RGS6: variants seen among roughly 807,000 people sequenced by gnomAD.
The protein encoded by RGS6 is regulator of G protein signaling 6.
In RGS6, 30 loss-of-function variants were observed where a neutral mutation model predicts 78.5. The observed-to-expected ratio is 0.38, with a 90% CI of 0.29 to 0.52. The LOEUF (loss-of-function observed/expected upper bound fraction) is 0.52, where lower values mean the gene tolerates loss of function less well. Among genes scored for constraint, RGS6 ranks in the 20% least tolerant of loss-of-function variants. The pLI is 0.85. For synonymous variants in RGS6, 206 were observed against 206.0 expected (o/e 1.00, Z 0.00); for missense variants, 495 against 609.7 (o/e 0.81, Z 1.98).
chr14:71,991,409 A>G (rs2094948696), intron 2 of RGS6, among the ~76,000 whole-genome samples: 3 of 152,208 alleles, frequency 2.0e-5, no homozygotes, highest in East Asian at 1.9e-4. Flanking sequence ...AGACAAACCA[A>G]TATTTCTCTC....
intron 3 of RGS6, among the ~76,000 whole-genome samples, chr14:72,435,812 CT>C (rs1235399873): frequency 6.9e-6 from 1 of 145,508 alleles, no homozygotes; most frequent in Non-Finnish European, 1.5e-5. Flanking sequence ...TTCTACCTCT[CT>C]TTCATAAGAA....
intron 2 of RGS6, among the ~76,000 whole-genome samples, chr14:72,157,269 G>C (rs991442236): frequency 2.0e-5 from 3 of 152,288 alleles, no homozygotes; most frequent in Non-Finnish European, 2.9e-5. Flanking sequence ...GGACTCCTAG[G>C]AACAAGAAGC....
intron 2 of RGS6, among the ~76,000 whole-genome samples, chr14:72,011,763 G>T (rs1196657764): frequency 6.6e-6 from 1 of 152,122 alleles, no homozygotes; most frequent in Non-Finnish European, 1.5e-5. Flanking sequence ...AGCATCTGCA[G>T]ATTTTGGTAT....
chr14:71,880,805 C>G, the RGS6 span, among the ~76,000 whole-genome samples: 49 of 152,242 alleles, frequency 3.2e-4, no homozygotes, highest in Non-Finnish European at 6.0e-4. Flanking sequence ...AGCCCCCACA[C>G]AGAGTCCCCA....
chr14:72,094,913 G>C (rs771766097), intron 2 of RGS6, among the ~76,000 whole-genome samples: 5 of 152,044 alleles, frequency 3.3e-5, no homozygotes, highest in African/African-American at 7.2e-5. Context: ...AAGCAAGGGG[G>C]GAGAAACACC....
intron 3 of RGS6, among the ~76,000 whole-genome samples, chr14:72,359,447 G>C (rs1238820050): frequency 1.3e-5 from 2 of 152,162 alleles, no homozygotes; most frequent in South Asian, 4.1e-4. Flanking sequence ...TCAAGTTTTA[G>C]CGACCTATTA....
intron 2 of RGS6, among the ~76,000 whole-genome samples, chr14:72,099,200 C>T (rs1378050185): frequency 2.0e-5 from 3 of 152,282 alleles, no homozygotes; most frequent in East Asian, 1.9e-4. Flanking sequence ...CTCTCTGTCA[C>T]CCAGGCTGGA....
At chr14:72,328,304 C>G (rs2074246501) in intron 2 of RGS6, among the ~76,000 whole-genome samples, 5 of 152,134 alleles carry the variant, frequency 3.3e-5, no homozygotes, top group Admixed American at 3.3e-4. Flanking sequence ...ACCCCATAAC[C>G]CAGTCAAGTT....
chr14:72,070,156 C>T (rs971274124), intron 2 of RGS6, among the ~76,000 whole-genome samples: 14 of 152,064 alleles, frequency 9.2e-5, no homozygotes, highest in Admixed American at 8.5e-4. Flanking sequence ...CTCTGTCTCT[C>T]TCTGTGTGTG....
In RGS6 at chr14:71,959,060, C is replaced by T. The variant is rs187033150; in HGVS notation, c.-20-5712C>T. Among the ~76,000 whole-genome samples, 564 of 152,220 alleles carry T rather than the reference C, an allele frequency of 3.7e-3. 1 individual carries two copies. The highest frequency in any genetic ancestry group is 0.013 in the African/African-American group (532 of 41,534). On this transcript the variant is annotated intron_variant, in intron 1 of 17. Transcript: ENST00000553525. ...GCCTTTAGGGGTTGAGTGCTATTGC[C>T]GTACTTTAAGATCTTGGTGCATTAC...
chr14:72,294,728 ACACACTGTTAAAGAAC>A (rs1338757918), intron 2 of RGS6, among the ~76,000 whole-genome samples: 6 of 152,074 alleles, frequency 3.9e-5, no homozygotes, highest in African/African-American at 1.4e-4. Flanking sequence ...GGGAGCTATC[ACACACTGTTAAAGAAC>A]CAGATCTCGT....
intron 3 of RGS6, among the ~76,000 whole-genome samples, chr14:72,422,662 A>G (rs112161663): frequency 6.6e-6 from 1 of 152,116 alleles, no homozygotes; most frequent in Non-Finnish European, 1.5e-5. Flanking sequence ...CACAGCTTGT[A>G]TGTGTCCCCA....
chr14:72,303,391 C>T (rs2066535938), intron 2 of RGS6, among the ~76,000 whole-genome samples: 1 of 152,164 alleles, frequency 6.6e-6, no homozygotes, highest in South Asian at 2.1e-4. Context: ...ATCCCAGCTA[C>T]TCAGGAGGCT....
At chr14:72,179,436 T>C (rs2097146307) in intron 2 of RGS6, among the ~76,000 whole-genome samples, 1 of 152,184 alleles carries the variant, frequency 6.6e-6, no homozygotes, top group African/African-American at 2.4e-5. Flanking sequence ...CCAGTGTTTA[T>C]TAAACTAACA....
intron 15 of RGS6, among the ~76,000 whole-genome samples, chr14:72,530,862 T>C (rs2097173513): frequency 6.6e-6 from 1 of 152,216 alleles, no homozygotes; most frequent in Non-Finnish European, 1.5e-5. Context: ...AGGAACTTGA[T>C]GCAGTCATAA....
At chr14:72,011,355 G>A (rs1193708069) in intron 2 of RGS6, among the ~76,000 whole-genome samples, 1 of 152,082 alleles carries the variant, frequency 6.6e-6, no homozygotes. Context: ...TGAAATTGTG[G>A]CCTCATGATG....
At chr14:71,885,500 G>C in the RGS6 span, among the ~76,000 whole-genome samples, 1 of 152,314 alleles carries the variant, frequency 6.6e-6, no homozygotes, top group African/African-American at 2.4e-5. Flanking sequence ...AGCTTGCTTT[G>C]TTTGTGGAGC....
At chr14:72,506,604 G>A (rs1366951922) in intron 13 of RGS6, among the ~76,000 whole-genome samples, 1 of 152,188 alleles carries the variant, frequency 6.6e-6, no homozygotes, top group Non-Finnish European at 1.5e-5. Context: ...ACTCCCAGTA[G>A]TGAAATCGTA....
chr14:72,403,492 A>G (rs565454336), intron 3 of RGS6, among the ~76,000 whole-genome samples: 3 of 152,312 alleles, frequency 2.0e-5, no homozygotes, highest in African/African-American at 7.2e-5. Context: ...TCAAGGTTAC[A>G]AAATTATAGC....
Sources: gnomAD v4.1 joint callset for allele counts (sites outside exome capture counted in the v4.1 genomes callset) on GRCh38, gnomAD v4.1.1 for gene constraint, MANE v1.5 for transcripts, NCBI Gene and HGNC (gene_info 2026-07-23, HGNC 2026-07-21) for gene names.